ANKRD28: variants seen among roughly 807,000 people sequenced by gnomAD.
ANKRD28 encodes the protein ankyrin repeat domain 28, also known as serine/threonine-protein phosphatase 6 regulatory ankyrin repeat subunit A.
A neutral mutation model predicts 126.5 loss-of-function variants in ANKRD28; 44 were observed. The ratio of observed to expected loss-of-function variants is 0.35; its 90% CI spans 0.27 to 0.45. The LOEUF (loss-of-function observed/expected upper bound fraction) is 0.45, where lower values mean the gene tolerates loss of function less well. ANKRD28 is among the 20% of genes least tolerant of loss of function. ANKRD28 has a pLI of 1.00. For missense variants in ANKRD28, 1,110 were observed against 1,316.6 expected (o/e 0.84, Z 2.43); for synonymous variants, 442 against 468.5 (o/e 0.94, Z 0.73).
intron 4 of ANKRD28, among the ~76,000 whole-genome samples, chr3:15,740,115 A>G (rs1490112326): frequency 6.6e-6 from 1 of 152,242 alleles, no homozygotes; most frequent in East Asian, 1.9e-4. Flanking sequence ...AAAACGTTGA[A>G]CAAAAGAAGT....
chr3:15,729,827 A>G (rs939964771), intron 6 of ANKRD28, among the ~76,000 whole-genome samples: 1 of 152,220 alleles, frequency 6.6e-6, no homozygotes, highest in African/African-American at 2.4e-5. Context: ...TGAAAAAGAA[A>G]TATCTACTAT....
At chr3:15,831,764 C>G (rs1293864336) in intron 1 of ANKRD28, among the ~76,000 whole-genome samples, 1 of 152,158 alleles carries the variant, frequency 6.6e-6, no homozygotes, top group Non-Finnish European at 1.5e-5. Flanking sequence ...CAAAAAATAT[C>G]TGGATAGAAG....
rs773522837 is a variant in ANKRD28, at chr3:15,694,721, T to C, written c.1761+18A>G. On this transcript the variant is annotated intron_variant, in intron 17 of 27. Coordinates refer to ENST00000683139, the MANE Select transcript of ANKRD28 (RefSeq NM_001349278.2). The stretch of plus-strand genomic sequence containing the variant: ...GTAAACCAGCAGCCATCAAGTCGGC[T>C]ATGAAGGCAGTACTCACAGCCAAGT... 15 of 1,609,192 alleles carry C rather than the reference T, an allele frequency of 9.3e-6. No individual in the cohort carries two copies. In the South Asian group the frequency reaches 1.4e-4, roughly 15 times the overall value.
Position 15,812,552 on chromosome 3 carries a change from T to C in ANKRD28, c.28-17246A>G, listed in dbSNP as rs2060738188. 6.6e-6 allele frequency among the ~76,000 whole-genome samples: 1 copy of C among 152,242 alleles called. No homozygotes were observed. The highest frequency in any genetic ancestry group is 2.1e-4 in the South Asian group (1 of 4,836). On this transcript the variant is annotated intron_variant, in intron 1 of 27. Transcript: ENST00000399451. This position sits in a 1 kb window ranked among gnomAD's most constrained non-coding sequence, Gnocchi z 4.1. ...GTATCTGCTATTTGTTACCATTTTC[T>C]TAATCAAATTTTACTATATTAAGTT...
chr3:15,775,877 T>C (rs1452047320), intron 2 of ANKRD28, among the ~76,000 whole-genome samples: 1 of 152,188 alleles, frequency 6.6e-6, no homozygotes, highest in Non-Finnish European at 1.5e-5. Context: ...AACTGGCTAC[T>C]GGTGACCAAC....
At chr3:15,836,381 CAAATAAA>C (rs1208401723) in intron 1 of ANKRD28, among the ~76,000 whole-genome samples, 1 of 150,842 alleles carries the variant, frequency 6.6e-6, no homozygotes, top group African/African-American at 2.4e-5. Flanking sequence ...TTTTAAAAAT[CAAATAAA>C]AAATAGAAAA....
intron 2 of ANKRD28, among the ~76,000 whole-genome samples, chr3:15,785,855 A>C (rs970562659): frequency 2.0e-5 from 3 of 152,096 alleles, no homozygotes; most frequent in African/African-American, 7.2e-5. Context: ...CAGATAATGG[A>C]TTAAAAAGAA....
intron 9 of ANKRD28, among the ~76,000 whole-genome samples, chr3:15,714,284 A>C (rs1373914769): frequency 6.6e-6 from 1 of 152,162 alleles, no homozygotes; most frequent in African/African-American, 2.4e-5. Context: ...TATATAATAC[A>C]AATTATGGTA....
chr3:15,801,926 G>T (rs2060472696), upstream of ANKRD28, among the ~76,000 whole-genome samples: 1 of 152,154 alleles, frequency 6.6e-6, no homozygotes, highest in South Asian at 2.1e-4. This position sits in a 1 kb window ranked among gnomAD's most constrained non-coding sequence, Gnocchi z 4.9. Flanking sequence ...GATCCCACTG[G>T]TACGTTACAT....
rs1311014186 is a variant in ANKRD28 at position 15,797,386 on chromosome 3, G to A, written c.-865C>T. 1.0e-5 allele frequency: 10 copies of A among 985,148 alleles called. No individual in the cohort carries two copies. The highest frequency in any genetic ancestry group is 1.1e-4 in the East Asian group (1 of 8,810). 61.0% of individuals were successfully genotyped at this position (985,148 alleles called of 1,614,324 possible). On this transcript the variant is annotated 5_prime_UTR_variant, in exon 1 of 28. Coordinates refer to ENST00000683139, the MANE Select transcript of ANKRD28 (RefSeq NM_001349278.2). ...TATTCCCATCGATAGCATAAGCAAG[G>A]CAGAGCGTTCATTCTTTCTCCATCA... is the stretch of plus-strand genomic sequence containing the variant.
rs2072245960 is a variant in ANKRD28, at chr3:15,711,333, T to A, written c.1274-59A>T. 3 of 1,412,192 alleles carry A rather than the reference T, an allele frequency of 2.1e-6. No homozygotes were observed. The South Asian group carries it at 3.6e-5, about 17-fold the overall frequency. 87.5% of individuals were successfully genotyped at this position (1,412,192 alleles called of 1,614,324 possible). A position where few individuals can be genotyped will look rare whatever the true frequency, so the allele number is the denominator to read the frequency against. ...CATATTATTTTACACTAAAGAATTG[T>A]GTCATGAAACATCAAGAATCACATC... On this transcript the variant is annotated intron_variant, in intron 11 of 27. Coordinates refer to ENST00000683139, the MANE Select transcript of ANKRD28 (RefSeq NM_001349278.2).
chr3:15,851,916 T>C (rs1332967017), intron 1 of ANKRD28, among the ~76,000 whole-genome samples: 1 of 152,174 alleles, frequency 6.6e-6, no homozygotes, highest in Non-Finnish European at 1.5e-5. Context: ...ATATGGTATA[T>C]CCATACAATG....
At chr3:15,777,150 T>G (rs1280490149) in intron 2 of ANKRD28, among the ~76,000 whole-genome samples, 1 of 151,922 alleles carries the variant, frequency 6.6e-6, no homozygotes, top group Non-Finnish European at 1.5e-5. Flanking sequence ...AGTGGGCATC[T>G]GTAGCCCCAG....
Position 15,817,273 on chromosome 3 carries a change from T to C in ANKRD28, c.28-21967A>G, listed in dbSNP as rs1473296546. Among the ~76,000 whole-genome samples, 1 of 151,794 alleles carries C rather than the reference T, an allele frequency of 6.6e-6. No homozygotes were observed. The highest frequency in any genetic ancestry group is 6.6e-5 in the Admixed American group (1 of 15,236). On this transcript the variant is annotated intron_variant, in intron 1 of 27. Coordinates refer to the ANKRD28 transcript ENST00000399451. This position sits in a 1 kb window ranked among gnomAD's most constrained non-coding sequence, Gnocchi z 4.5. Reference sequence around the variant, plus strand: ...CAGTAGAAGTACCATGGTTTTTTTTTCCTTGTTATTTTGTTTTTGTCCCAA... The same window carrying C: ...CAGTAGAAGTACCATGGTTTTTTTTCCCTTGTTATTTTGTTTTTGTCCCAA...
At chr3:15,712,062 A>C in intron 11 of ANKRD28, 78 bp downstream of exon 11, 1 of 1,130,240 alleles carries the variant, frequency 8.8e-7, no homozygotes, top group Non-Finnish European at 1.3e-6. Context: ...ATTAATTTTT[A>C]AAAAGCAGGA....
intron 1 of ANKRD28, among the ~76,000 whole-genome samples, chr3:15,835,758 G>C (rs1039739915): frequency 1.3e-5 from 2 of 152,174 alleles, no homozygotes; most frequent in Non-Finnish European, 2.9e-5. Context: ...CAATTGAGAA[G>C]ATGGGAGTAA....
At chr3:15,803,659 A>G (rs2060512994) in intron 1 of ANKRD28, among the ~76,000 whole-genome samples, 1 of 150,782 alleles carries the variant, frequency 6.6e-6, no homozygotes, top group East Asian at 2.1e-4. Context: ...TAGGATTTAT[A>G]GGACATGTTA....
intron 7 of ANKRD28, among the ~76,000 whole-genome samples, chr3:15,722,660 C>T (rs189558349): frequency 1.3e-5 from 2 of 152,274 alleles, no homozygotes; most frequent in East Asian, 3.9e-4. Flanking sequence ...TTGGCCCCAA[C>T]ATAATGCAGC....
At chr3:15,805,263 A>G (rs1034333603) in intron 1 of ANKRD28, among the ~76,000 whole-genome samples, 1 of 152,172 alleles carries the variant, frequency 6.6e-6, no homozygotes, top group African/African-American at 2.4e-5. Flanking sequence ...GAGAAAAACT[A>G]CTCTGTTAGC....
Sources: gnomAD v4.1 joint callset for allele counts (sites outside exome capture counted in the v4.1 genomes callset) on GRCh38, gnomAD v4.1.1 for gene constraint, Gnocchi (gnomAD v3.1) non-coding constraint, MANE v1.5 for transcripts, NCBI Gene and HGNC (gene_info 2026-07-23, HGNC 2026-07-21) for gene names.